Variants in ZFAND3 observed in about 807,000 individuals in gnomAD.
ZFAND3 encodes the protein zinc finger AN1-type containing 3.
ZFAND3 carries 10 observed loss-of-function variants against 29.6 expected under a neutral mutation model. The ratio of observed to expected loss-of-function variants is 0.34; its 90% CI spans 0.21 to 0.57. The LOEUF is 0.57. Among genes scored for constraint, ZFAND3 ranks in the 20% least tolerant of loss-of-function variants. ZFAND3 has a pLI of 0.86. For synonymous variants in ZFAND3, 128 were observed against 112.6 expected, an observed-to-expected ratio of 1.14 and a Z score of -0.87; for missense variants, 230 against 304.5, an observed-to-expected ratio of 0.76 and a Z score of 1.82.
At chr6:37,990,354 C>T (rs1412119008) in intron 2 of ZFAND3, among the ~76,000 whole-genome samples, 1 of 152,106 alleles carries the variant, frequency 6.6e-6, no homozygotes, top group Non-Finnish European at 1.5e-5. Flanking sequence ...CCCCTCCCCT[C>T]AAGCCACAGT....
At chr6:37,916,131 A>G (rs1199612384) in intron 1 of ZFAND3, among the ~76,000 whole-genome samples, 1 of 151,526 alleles carries the variant, frequency 6.6e-6, no homozygotes, top group African/African-American at 2.4e-5. Flanking sequence ...GGCATAGTTT[A>G]TGGTGTCCCA....
At chr6:37,910,072 A>G (rs1383436116) in intron 1 of ZFAND3, among the ~76,000 whole-genome samples, 1 of 152,242 alleles carries the variant, frequency 6.6e-6, no homozygotes, top group Non-Finnish European at 1.5e-5. Context: ...TTTGAGAGCC[A>G]TACACTTGTT....
intron 1 of ZFAND3, among the ~76,000 whole-genome samples, chr6:37,881,635 CCTTAG>C (rs1764897859): frequency 6.6e-6 from 1 of 152,126 alleles, no homozygotes; most frequent in African/African-American, 2.4e-5. Context: ...TTTCAGATCT[CCTTAG>C]CCAAAAAGTA....
intron 2 of ZFAND3, among the ~76,000 whole-genome samples, chr6:37,965,998 A>G (rs1328493060): frequency 6.6e-6 from 1 of 152,136 alleles, no homozygotes; most frequent in Non-Finnish European, 1.5e-5. Context: ...CCTGGGCTCA[A>G]GGAATCCTCC....
chr6:38,030,875 T>C (rs1202338070), intron 2 of ZFAND3, among the ~76,000 whole-genome samples: 2 of 152,156 alleles, frequency 1.3e-5, no homozygotes, highest in Non-Finnish European at 2.9e-5. Context: ...TTTAAATGAA[T>C]GTTGATTGTG....
chr6:37,932,021 A>T (rs1761605776), intron 2 of ZFAND3, among the ~76,000 whole-genome samples: 1 of 152,228 alleles, frequency 6.6e-6, no homozygotes, highest in African/African-American at 2.4e-5. Flanking sequence ...CTATAATCCC[A>T]GCACTTTGGG....
At chr6:38,068,139 A>G (rs143907849) in intron 3 of ZFAND3, among the ~76,000 whole-genome samples, 2 of 152,232 alleles carry the variant, frequency 1.3e-5, no homozygotes, top group Non-Finnish European at 2.9e-5. Flanking sequence ...TTAAACAGCA[A>G]CCAGCTCTTA....
chr6:37,917,640 A>G (rs957134640), intron 1 of ZFAND3, among the ~76,000 whole-genome samples: 1 of 152,204 alleles, frequency 6.6e-6, no homozygotes, highest in African/African-American at 2.4e-5. Context: ...ACTCTGGTCA[A>G]TCTTGTATTT....
chr6:37,915,672 A>G (rs919268963), intron 1 of ZFAND3: 1 of 152,218 alleles, frequency 6.6e-6, no homozygotes, highest in African/African-American at 2.4e-5. Flanking sequence ...TGACCCCTGC[A>G]ATTTTCCACA....
At position 38,061,741 on chromosome 6, in the gene ZFAND3, A is replaced by G. The variant is rs1764245127; in HGVS notation, c.261A>G (p.Thr87=). 2 of 1,614,174 alleles carry G rather than the reference A, an allele frequency of 1.2e-6. No homozygotes were observed. Among genetic ancestry groups the G allele is most frequent in the East Asian group, 2.2e-5 (1 of 44,876 alleles). The change falls in exon 3 of 6, where the codon ACA becomes ACG. Residue 87 remains threonine, a synonymous_variant. Transcript: ENST00000287218. ...TLSPSQQPLP[T]ELNVTSPSKE... is the part of the protein sequence containing the mutation. ...GTCCCAGCCAGCAGCCGCTTCCGAC[A>G]GAACTGAATGTAACTTCACCGAGTA...
Position 37,858,500 on chromosome 6 carries a change from G to A in ZFAND3, c.71+38484G>A, listed in dbSNP as rs989540389. On this transcript the variant is annotated intron_variant, in intron 1 of 5. Transcript: ENST00000287218. ...TGAAATCCTTTTTGAGGCTTTATGT[G>A]CTTTCAAAGAGGATGGCTTCTGGCA... 2.6e-5 allele frequency among the ~76,000 whole-genome samples: 4 copies of A among 152,298 alleles called. No homozygotes were observed. In the South Asian group the frequency reaches 8.3e-4, roughly 32 times the overall value.
At chr6:37,830,459 T>G (rs1763839956) in intron 1 of ZFAND3, among the ~76,000 whole-genome samples, 1 of 152,212 alleles carries the variant, frequency 6.6e-6, no homozygotes, top group East Asian at 1.9e-4. Context: ...GTGAGTCCCC[T>G]GGGACCTTAC....
intron 2 of ZFAND3, among the ~76,000 whole-genome samples, chr6:37,933,564 G>C (rs530425879): frequency 5.3e-5 from 8 of 152,296 alleles, no homozygotes; most frequent in African/African-American, 1.4e-4. Flanking sequence ...AGTGACAGTT[G>C]CTAAAAGCCA....
intron 1 of ZFAND3, among the ~76,000 whole-genome samples, chr6:37,844,573 G>A (rs1210529426): frequency 4.6e-5 from 7 of 151,928 alleles, no homozygotes; most frequent in South Asian, 2.1e-4. Context: ...GAGCCACTGC[G>A]CCCGGCCAGT....
In ZFAND3 at chr6:38,061,664, G is replaced by A; in HGVS notation, c.184G>A (p.Glu62Lys). 6 of 1,614,104 alleles carry A rather than the reference G, an allele frequency of 3.7e-6. No homozygotes were observed. The highest frequency in any genetic ancestry group is 5.1e-6 in the Non-Finnish European group (6 of 1,180,004). The change falls in exon 3 of 6, where the codon GAA becomes AAA. Residue 62 changes from glutamate (E) to lysine (K), a missense_variant. Physicochemically the swap from Glu to Lys is moderately conservative, Grantham distance 56. Coordinates refer to ENST00000287218, the MANE Select transcript of ZFAND3 (RefSeq NM_021943.3). The part of the protein sequence containing the change: ...TSNSQSDLFS[E>K]ETTSDNNNTS... ...TAACAGCCAATCAGATTTGTTTTCC[G>A]AAGAGACCACCAGTGACAACAACAA... is the stretch of plus-strand genomic sequence containing the variant.
chr6:38,091,680 C>T (rs1393225889), intron 4 of ZFAND3, among the ~76,000 whole-genome samples: 1 of 140,158 alleles, frequency 7.1e-6, no homozygotes, highest in African/African-American at 2.7e-5. Flanking sequence ...TGATACTGCC[C>T]ATTAAGGAGC....
At chr6:38,004,437 C>A (rs374821148) in intron 2 of ZFAND3, among the ~76,000 whole-genome samples, 4 of 149,960 alleles carry the variant, frequency 2.7e-5, no homozygotes, top group African/African-American at 9.9e-5. Context: ...TTTCCCTCTC[C>A]CTTCCCCTCT....
intron 2 of ZFAND3, among the ~76,000 whole-genome samples, chr6:38,049,446 C>G (rs549899423): frequency 6.6e-6 from 1 of 152,046 alleles, no homozygotes; most frequent in Non-Finnish European, 1.5e-5. Flanking sequence ...GTAACTTGCC[C>G]AAGGTTACAC....
intron 1 of ZFAND3, among the ~76,000 whole-genome samples, chr6:37,922,195 A>G (rs917533748): frequency 3.3e-5 from 5 of 152,214 alleles, no homozygotes; most frequent in African/African-American, 1.2e-4. Flanking sequence ...TTCATCTAGT[A>G]AGGTCTCCTT....
Sources: gnomAD v4.1 joint callset for allele counts (sites outside exome capture counted in the v4.1 genomes callset) on GRCh38, gnomAD v4.1.1 for gene constraint, MANE v1.5 for transcripts, NCBI Gene and HGNC (gene_info 2026-07-23, HGNC 2026-07-21) for gene names.